Variants in FBXO38 observed in about 807,000 individuals in gnomAD.
FBXO38 encodes F-box only protein 38.
A neutral mutation model predicts 131.9 loss-of-function variants in FBXO38; 53 were observed. The observed-to-expected ratio is 0.40, with a 90% CI of 0.32 to 0.51. The LOEUF is 0.51. FBXO38 is among the 20% of genes least tolerant of loss of function. FBXO38 has a pLI of 0.53. For missense variants in FBXO38, 1,076 were observed against 1,475.6 expected (o/e 0.73, Z 4.44); for synonymous variants, 452 against 505.6 (o/e 0.89, Z 1.42).
At chr5:148,413,643 G>A (rs1393456323) in intron 9 of FBXO38, 1 of 152,214 alleles carries the variant, frequency 6.6e-6, no homozygotes, top group East Asian at 1.9e-4. Context: ...TGCACTTTTA[G>A]GGTATAGATA....
At chr5:148,424,148 T>C in intron 13 of FBXO38, 31 bp downstream of exon 13, 2 of 1,593,664 alleles carry the variant, frequency 1.3e-6, no homozygotes, top group South Asian at 2.3e-5. Flanking sequence ...ACATTCATCA[T>C]TCTGAAACTA....
chr5:148,436,747 A>T (rs776017908), intron 17 of FBXO38, among the ~76,000 whole-genome samples: 7 of 152,338 alleles, frequency 4.6e-5, no homozygotes. Flanking sequence ...TGAATTCTAC[A>T]AAAGTTCAGA....
At chr5:148,393,091 A>G (rs141160208) in intron 1 of FBXO38, among the ~76,000 whole-genome samples, 26 of 152,178 alleles carry the variant, frequency 1.7e-4, no homozygotes, top group African/African-American at 6.3e-4. Context: ...GTTAAGACAC[A>G]TGTCACAAAT....
chr5:148,402,287 A>G (rs962097734), intron 4 of FBXO38, 61 bp from the exon 5 acceptor site: 4 of 1,560,030 alleles, frequency 2.6e-6, no homozygotes, highest in Middle Eastern at 3.5e-4. Flanking sequence ...CTTGTGGTAC[A>G]TAAAGCTTTG....
intron 15 of FBXO38, chr5:148,433,172 T>C (rs1008812462): frequency 2.4e-5 from 8 of 337,286 alleles, no homozygotes; most frequent in Non-Finnish European, 5.5e-6. Flanking sequence ...AGTAGGAATG[T>C]TTATTAGATT....
intron 15 of FBXO38, among the ~76,000 whole-genome samples, chr5:148,432,355 A>C (rs1397388875): frequency 6.6e-6 from 1 of 152,232 alleles, no homozygotes; most frequent in Non-Finnish European, 1.5e-5. Context: ...ATTGCTTCAG[A>C]ACAATACTAG....
intron 19 of FBXO38, among the ~76,000 whole-genome samples, 159 bp downstream of exon 19, chr5:148,439,951 G>A (rs372493243): frequency 6.6e-6 from 1 of 152,162 alleles, no homozygotes; most frequent in East Asian, 1.9e-4. Flanking sequence ...TGAGGGAAAT[G>A]AGGACTTAAA....
intron 17 of FBXO38, 111 bp from the exon 18 acceptor site, chr5:148,438,221 A>G (rs1233793337): frequency 1.1e-6 from 1 of 901,666 alleles, no homozygotes; most frequent in African/African-American, 1.7e-5. Context: ...CTATGATATT[A>G]TTTGACCTCT....
rs771244323 is a variant in FBXO38 at position 148,424,190 on chromosome 5, C to A, written c.1738+73C>A. On this transcript the variant is annotated intron_variant, in intron 13 of 21. Transcript: ENST00000340253. ...AACTGTAATGAAGTACATGAGACAGCGAGAATGATTGTTTTCTGACCTTTC... is the reference window on the plus strand; with the variant it reads ...AACTGTAATGAAGTACATGAGACAGAGAGAATGATTGTTTTCTGACCTTTC... 15 of 1,445,888 alleles carry A rather than the reference C, an allele frequency of 1.0e-5. No individual in the cohort carries two copies. The Middle Eastern group carries it at 1.1e-3, about 104-fold the overall frequency. 89.6% of individuals were successfully genotyped at this position (1,445,888 alleles called of 1,614,324 possible). A position where few individuals can be genotyped will look rare whatever the true frequency, so the allele number is the denominator to read the frequency against.
rs745545823 is a variant in FBXO38, at chr5:148,427,495, G to A, written c.2201G>A (p.Gly734Asp). ...GACTTTGTAAGGACGGTGAACAGCG[G>A]CGGCTCTTCCGAGCCTAGCCCTACA... ...SPDFVRTVNS[G>D]GSSEPSPTEV... The change falls in exon 15 of 22, where the codon GGC becomes GAC. Residue 734 changes from glycine to aspartate, a missense_variant. Transcript: ENST00000340253. The A allele has an allele frequency of 1.1e-5, 18 of 1,614,084 alleles. No individual in the cohort carries two copies. Among genetic ancestry groups the A allele is most frequent in the Non-Finnish European group, 1.4e-5 (17 of 1,180,046 alleles).
intron 1 of FBXO38, among the ~76,000 whole-genome samples, chr5:148,393,060 A>G (rs1021882513): frequency 2.6e-5 from 4 of 152,134 alleles, no homozygotes; most frequent in East Asian, 1.9e-4. Flanking sequence ...GATAGACAAC[A>G]TAGGAGTAAG....
In FBXO38 at chr5:148,427,392, G is replaced by A. The variant is rs1031191628; in HGVS notation, c.2098G>A (p.Val700Ile). Residue 700 changes from valine (V) to isoleucine (I), a missense_variant, in exon 15 of 22, where the codon GTT becomes ATT. Around this residue, in one of 8 missense-constraint regions of FBXO38, gnomAD observed 213 missense variants for 225.2 expected, o/e 0.95. Coordinates refer to ENST00000340253, the MANE Select transcript of FBXO38 (RefSeq NM_205836.3). ...DIPEKKKNKDVYPSCSSTTAS... is the reference protein window; with the variant it reads ...DIPEKKKNKDIYPSCSSTTAS... ...TCCTGAAAAGAAAAAAAACAAGGATGTTTATCCCAGCTGCAGCAGCACCAC... is the reference window on the plus strand; with the variant it reads ...TCCTGAAAAGAAAAAAAACAAGGATATTTATCCCAGCTGCAGCAGCACCAC... The A allele has an allele frequency of 6.2e-7, 1 of 1,614,134 alleles. No homozygotes were observed. Among genetic ancestry groups the A allele is most frequent in the Non-Finnish European group, 8.5e-7 (1 of 1,180,010 alleles).
At chr5:148,420,039 G>T (rs1043752290) in intron 12 of FBXO38, among the ~76,000 whole-genome samples, 1 of 151,744 alleles carries the variant, frequency 6.6e-6, no homozygotes, top group Non-Finnish European at 1.5e-5. Context: ...GTACTTAATT[G>T]TGAGCTAGTT....
chr5:148,390,854 G>A (rs1758162027), intron 1 of FBXO38, among the ~76,000 whole-genome samples: 1 of 152,156 alleles, frequency 6.6e-6, no homozygotes, highest in African/African-American at 2.4e-5. Context: ...ATCAGTAGAG[G>A]AAGGTGTTAT....
chr5:148,417,068 C>T lies in FBXO38; in HGVS notation c.1482C>T (p.Ser494=). 1 of 1,613,282 alleles carries T rather than the reference C, an allele frequency of 6.2e-7. No individual in the cohort carries two copies. Among genetic ancestry groups the T allele is most frequent in the Non-Finnish European group, 8.5e-7 (1 of 1,179,362 alleles). The part of the protein sequence containing the change: ...VSSALVSNQN[S]NNDDNNAQNN... ...CAGCTCTTGTTAGCAACCAGAACTC[C>T]AACAATGACGATAATAATGCCCAGA... is the stretch of plus-strand genomic sequence containing the variant. Residue 494 remains serine (S), a synonymous_variant, in exon 12 of 22, where the codon TCC becomes TCT. Transcript: ENST00000340253.
In FBXO38 at chr5:148,425,554, A is replaced by G; in HGVS notation, c.1771A>G (p.Thr591Ala). Residue 591 changes from threonine to alanine, a missense_variant, in exon 14 of 22, where the codon ACC becomes GCC. Physicochemically the swap from Thr to Ala is moderately conservative, Grantham distance 58 (BLOSUM62 0). Coordinates refer to ENST00000340253, the MANE Select transcript of FBXO38 (RefSeq NM_205836.3). ...PSGLQRVVKP[T>A]SITVHDSESD... The stretch of plus-strand genomic sequence containing the variant: ...TGGTCTTCAGCGTGTAGTAAAACCA[A>G]CCTCAATTACTGTTCATGATTCAGA... 6.2e-7 allele frequency: 1 copy of G among 1,613,740 alleles called. No individual in the cohort carries two copies. Among genetic ancestry groups the G allele is most frequent in the Non-Finnish European group, 8.5e-7 (1 of 1,179,768 alleles).
chr5:148,403,836 A>G (rs1417833949), intron 5 of FBXO38, among the ~76,000 whole-genome samples: 1 of 152,186 alleles, frequency 6.6e-6, no homozygotes, highest in Non-Finnish European at 1.5e-5. Flanking sequence ...AAATTGCATT[A>G]AACAGTTTTG....
At chr5:148,394,140 A>C (rs1204100738) in intron 1 of FBXO38, among the ~76,000 whole-genome samples, 1 of 152,156 alleles carries the variant, frequency 6.6e-6, no homozygotes, top group Non-Finnish European at 1.5e-5. Context: ...ATTTTTTAGG[A>C]GTTCTCTAGT....
intron 5 of FBXO38, among the ~76,000 whole-genome samples, chr5:148,404,347 C>G (rs1752322306): frequency 1.3e-5 from 2 of 152,126 alleles, no homozygotes; most frequent in Admixed American, 6.5e-5. Context: ...TTTCAGTAAT[C>G]CATTTTCACT....
Sources: allele counts gnomAD v4.1 joint callset (sites outside exome capture counted in the v4.1 genomes callset), GRCh38; gene constraint gnomAD v4.1.1; regional missense constraint gnomAD v4.1.1; transcripts MANE v1.5; gene names NCBI Gene and HGNC (gene_info 2026-07-23, HGNC 2026-07-21).